The following UNC5D variants were observed in gnomAD, a reference collection of about 807,000 sequenced individuals.
UNC5D encodes netrin receptor UNC5D.
Under a neutral mutation model 105.4 loss-of-function variants are expected in UNC5D, and 39 were observed. The ratio of observed to expected loss-of-function variants is 0.37; its 90% CI spans 0.29 to 0.48. UNC5D has a LOEUF of 0.48. Ranked by LOEUF, UNC5D falls within the 20% of genes least tolerant of loss-of-function variation. The pLI is 0.98. For missense variants in UNC5D, 991 were observed against 1,202.4 expected (o/e 0.82, Z 2.60); for synonymous variants, 452 against 450.4 (o/e 1.00, Z -0.04).
At chr8:35,247,545 A>G (rs1803201097) in intron 1 of UNC5D, among the ~76,000 whole-genome samples, 1 of 120,878 alleles carries the variant, frequency 8.3e-6, no homozygotes, top group Non-Finnish European at 1.6e-5. Flanking sequence ...TGTATAAAAT[A>G]TATAAAATAT....
intron 2 of UNC5D, among the ~76,000 whole-genome samples, chr8:35,566,200 G>A (rs888380349): frequency 6.6e-6 from 1 of 152,030 alleles, no homozygotes; most frequent in African/African-American, 2.4e-5. Flanking sequence ...AATTTAGAAA[G>A]TATACCTCAA....
At chr8:35,565,959 A>G (rs1321351559) in intron 2 of UNC5D, among the ~76,000 whole-genome samples, 1 of 152,182 alleles carries the variant, frequency 6.6e-6, no homozygotes, top group Non-Finnish European at 1.5e-5. Context: ...TTGTCTGCCC[A>G]TTCATATTTC....
intron 3 of UNC5D, among the ~76,000 whole-genome samples, chr8:35,569,639 T>C (rs958415886): frequency 2.0e-5 from 3 of 152,180 alleles, no homozygotes; most frequent in African/African-American, 2.4e-5. Context: ...CCTATAGTTA[T>C]TTAGTTAATT....
chr8:35,287,465 A>T (rs1806685571), intron 1 of UNC5D, among the ~76,000 whole-genome samples: 1 of 152,144 alleles, frequency 6.6e-6, no homozygotes, highest in Non-Finnish European at 1.5e-5. Flanking sequence ...CATAGTGATA[A>T]AGGATATAAT....
intron 1 of UNC5D, among the ~76,000 whole-genome samples, chr8:35,436,168 T>C (rs551141888): frequency 2.6e-5 from 4 of 152,142 alleles, no homozygotes; most frequent in African/African-American, 9.6e-5. Flanking sequence ...TTGTAAACAT[T>C]AGAGCACATA....
chr8:35,746,618 G>A (rs555597932), intron 11 of UNC5D, among the ~76,000 whole-genome samples: 1 of 152,298 alleles, frequency 6.6e-6, no homozygotes, highest in Admixed American at 6.5e-5. Context: ...AGTTACCACT[G>A]TGAAAGGAGT....
chr8:35,474,430 A>G (rs917583804), intron 1 of UNC5D, among the ~76,000 whole-genome samples: 1 of 152,244 alleles, frequency 6.6e-6, no homozygotes, highest in Non-Finnish European at 1.5e-5. Context: ...GCGACTGTTG[A>G]GAGGTGGACT....
rs545155696 is a variant in UNC5D, at chr8:35,631,365, A to C, written c.570+35708A>C. 5.3e-5 allele frequency among the ~76,000 whole-genome samples: 8 copies of C among 152,266 alleles called. No individual in the cohort carries two copies. The South Asian group carries it at 1.0e-3, about 20-fold the overall frequency. ...ACTGCTTTGTTTTATAGAAGGCATG[A>C]AATGAGACTCAGAGAGGCCTGATGA... is the stretch of plus-strand genomic sequence containing the variant. On this transcript the variant is annotated intron_variant, in intron 4 of 16. Coordinates refer to ENST00000404895, the MANE Select transcript of UNC5D (RefSeq NM_080872.4).
rs775371846 is a variant in UNC5D at position 35,705,914 on chromosome 8, C to T, written c.1085-15C>T. The T allele has an allele frequency of 3.8e-6, 5 of 1,320,458 alleles. No homozygotes were observed. The East Asian group carries it at 9.9e-5, about 26-fold the overall frequency. 81.8% of individuals were successfully genotyped at this position (1,320,458 alleles called of 1,614,324 possible). On this transcript the variant is annotated splice_polypyrimidine_tract_variant and intron_variant, in intron 7 of 16. Transcript: ENST00000404895. Reference sequence around the variant, plus strand: ...ATTAAATGCAACTTTCTTTTTCTTTCTTTCTTTCTTTTAGATAAAAAACCT... The same window carrying T: ...ATTAAATGCAACTTTCTTTTTCTTTTTTTCTTTCTTTTAGATAAAAAACCT...
chr8:35,309,489 G>A (rs1243196468), intron 1 of UNC5D, among the ~76,000 whole-genome samples: 2 of 152,136 alleles, frequency 1.3e-5, no homozygotes, highest in African/African-American at 4.8e-5. Flanking sequence ...TGGGAAATAT[G>A]TGTCTGGATG....
chr8:35,567,249 G>T (rs1382737054), intron 2 of UNC5D, among the ~76,000 whole-genome samples: 2 of 152,084 alleles, frequency 1.3e-5, no homozygotes, highest in Non-Finnish European at 2.9e-5. Context: ...CTTGGTTTAT[G>T]TGTACTGCTA....
chr8:35,680,411 T>C (rs1825580485), intron 4 of UNC5D, among the ~76,000 whole-genome samples: 2 of 152,216 alleles, frequency 1.3e-5, no homozygotes, highest in South Asian at 4.1e-4. Flanking sequence ...TGTCATGTGT[T>C]TTGTGGATTT....
chr8:35,321,464 T>C (rs1177340132), intron 1 of UNC5D, among the ~76,000 whole-genome samples: 4 of 152,118 alleles, frequency 2.6e-5, no homozygotes, highest in African/African-American at 9.7e-5. Flanking sequence ...CCTCCTGTGT[T>C]TATTCCTTCT....
intron 1 of UNC5D, among the ~76,000 whole-genome samples, chr8:35,368,815 C>G (rs1044579233): frequency 1.3e-5 from 2 of 151,980 alleles, no homozygotes; most frequent in African/African-American, 2.4e-5. Flanking sequence ...AGCTTCCTCT[C>G]TCTCCATGCT....
At chr8:35,701,274 C>T (rs1235926093) in intron 7 of UNC5D, among the ~76,000 whole-genome samples, 1 of 152,132 alleles carries the variant, frequency 6.6e-6, no homozygotes, top group African/African-American at 2.4e-5. Flanking sequence ...TATTCAAAAC[C>T]AGTGGGAGCA....
At chr8:35,361,837 A>G (rs946064781) in intron 1 of UNC5D, among the ~76,000 whole-genome samples, 1 of 152,174 alleles carries the variant, frequency 6.6e-6, no homozygotes, top group African/African-American at 2.4e-5. Flanking sequence ...AACAGCCCAA[A>G]TGAGTAAAAG....
intron 1 of UNC5D, among the ~76,000 whole-genome samples, chr8:35,318,707 T>G (rs1453492900): frequency 6.6e-6 from 1 of 152,102 alleles, no homozygotes; most frequent in Non-Finnish European, 1.5e-5. Flanking sequence ...CCCATTATAT[T>G]ACACTTTCTT....
At chr8:35,607,134 A>T (rs539600575) in intron 4 of UNC5D, among the ~76,000 whole-genome samples, 1 of 152,220 alleles carries the variant, frequency 6.6e-6, no homozygotes, top group African/African-American at 2.4e-5. Context: ...GCAAGATATG[A>T]AAAACTTTCA....
chr8:35,708,233 T>G (rs1827718965), intron 8 of UNC5D, among the ~76,000 whole-genome samples: 1 of 151,802 alleles, frequency 6.6e-6, no homozygotes, highest in Non-Finnish European at 1.5e-5. Context: ...GAGCTTAGAG[T>G]TGCGGGGAGG....
Sources: gnomAD v4.1 joint callset for allele counts (sites outside exome capture counted in the v4.1 genomes callset) on GRCh38, gnomAD v4.1.1 for gene constraint, MANE v1.5 for transcripts, NCBI Gene and HGNC (gene_info 2026-07-23, HGNC 2026-07-21) for gene names.